Variants in ADARB2 observed in about 807,000 individuals in gnomAD.
The protein encoded by ADARB2 is inactive double-stranded RNA-specific editase B2.
In ADARB2, 25 loss-of-function variants were observed where a neutral mutation model predicts 62.2. The observed-to-expected ratio is 0.40, with a 90% CI of 0.29 to 0.56. ADARB2 has a LOEUF of 0.56. Among genes scored for constraint, ADARB2 ranks in the 20% least tolerant of loss-of-function variants. The probability of loss-of-function intolerance (pLI) is 0.43; values close to 1 mark genes in which losing one functional copy is unlikely to be tolerated. For synonymous variants in ADARB2, 572 were observed against 500.8 expected, an observed-to-expected ratio of 1.14 and a Z score of -1.90; for missense variants, 1,071 against 1,077.4, an observed-to-expected ratio of 0.99 and a Z score of 0.08.
chr10:1,531,991 G>A (rs1020580615), intron 1 of ADARB2, among the ~76,000 whole-genome samples: 21 of 152,110 alleles, frequency 1.4e-4, no homozygotes, highest in African/African-American at 4.8e-4. Flanking sequence ...AACACCATCC[G>A]GTATTGTAGG....
At chr10:1,379,238 C>G in intron 1 of ADARB2, 78 bp from the exon 2 acceptor site, 3 of 1,233,954 alleles carry the variant, frequency 2.4e-6, no homozygotes, top group Non-Finnish European at 3.6e-6. Flanking sequence ...GTTCTTATTA[C>G]TGAATGTTGG....
intron 1 of ADARB2, among the ~76,000 whole-genome samples, chr10:1,546,257 C>T (rs751490300): frequency 2.6e-5 from 4 of 152,196 alleles, no homozygotes; most frequent in Admixed American, 1.3e-4. Context: ...CTCTCCTCTG[C>T]GTCAGCAGTA....
chr10:1,211,372 T>C (rs1368210586), intron 7 of ADARB2, among the ~76,000 whole-genome samples: 1 of 152,176 alleles, frequency 6.6e-6, no homozygotes, highest in African/African-American at 2.4e-5. Context: ...CATCTATCTG[T>C]CATCTCTATC....
intron 1 of ADARB2, among the ~76,000 whole-genome samples, chr10:1,587,134 T>C (rs1833190893): frequency 2.0e-5 from 3 of 152,192 alleles, no homozygotes; most frequent in Admixed American, 2.0e-4. Context: ...TTACCAAAGG[T>C]GCTTATCTCC....
At chr10:1,233,929 T>C (rs1167597172) in intron 5 of ADARB2, 84 bp from the exon 6 acceptor site, 6 of 1,410,062 alleles carry the variant, frequency 4.3e-6, no homozygotes, top group East Asian at 5.1e-5. Context: ...AGTCCTGTTT[T>C]GTAGAGTTGT....
intron 1 of ADARB2, among the ~76,000 whole-genome samples, chr10:1,727,369 C>T (rs2119041678): frequency 6.6e-6 from 1 of 152,280 alleles, no homozygotes; most frequent in Admixed American, 6.5e-5. Flanking sequence ...AAGCCACCTC[C>T]AAACCCTACT....
At position 1,368,855 on chromosome 10, in the gene ADARB2, GC is replaced by G. The variant is rs985016431; in HGVS notation, c.188-4939del. ...GGGGCCGGGCTGGGTGAGGGTGGGA[GC>G]CGAGCTCGCCCTGTGGCAGTCGTGG... On this transcript the variant is annotated intron_variant, in intron 2 of 9. Transcript: ENST00000381312. Among the ~76,000 whole-genome samples the G allele has an allele frequency of 3.1e-4, 30 of 98,330 alleles. 2 individuals are homozygous for G. The highest frequency in any genetic ancestry group is 8.3e-4 in the African/African-American group (27 of 32,352). The allele number at this position is 98,330 out of a possible 152,430, so 64.5% of individuals were successfully genotyped here. A position where few individuals can be genotyped will look rare whatever the true frequency, so the allele number is the denominator to read the frequency against.
chr10:1,430,049 C>T (rs1830764279), intron 1 of ADARB2, among the ~76,000 whole-genome samples: 1 of 152,182 alleles, frequency 6.6e-6, no homozygotes, highest in African/African-American at 2.4e-5. Flanking sequence ...TCCTTTTCCT[C>T]ATGTGGCGCT....
chr10:1,317,754 G>T (rs900882489), intron 3 of ADARB2, among the ~76,000 whole-genome samples: 10 of 146,920 alleles, frequency 6.8e-5, no homozygotes, highest in African/African-American at 2.5e-4. Context: ...GGTAGGCCTG[G>T]GGGGGGGTGG....
intron 1 of ADARB2, among the ~76,000 whole-genome samples, chr10:1,465,869 G>T (rs183973897): frequency 6.6e-6 from 1 of 152,332 alleles, no homozygotes; most frequent in East Asian, 1.9e-4. Flanking sequence ...CATCAGCCGC[G>T]CTGACTCGTC....
At chr10:1,408,982 C>T (rs934843860) in intron 1 of ADARB2, among the ~76,000 whole-genome samples, 1 of 152,170 alleles carries the variant, frequency 6.6e-6, no homozygotes, top group Non-Finnish European at 1.5e-5. Context: ...GTGGTGGTGG[C>T]GTCAGTGATT....
chr10:1,534,567 T>G (rs1231408098), intron 1 of ADARB2: 2 of 152,328 alleles, frequency 1.3e-5, no homozygotes, highest in African/African-American at 4.8e-5. Context: ...CCCTTGATGC[T>G]TCTGAAACTG....
intron 1 of ADARB2, among the ~76,000 whole-genome samples, chr10:1,478,707 A>C (rs971808353): frequency 6.7e-6 from 1 of 149,770 alleles, no homozygotes; most frequent in Admixed American, 6.7e-5. Flanking sequence ...CGGACGGGAG[A>C]GCGCCAAAAC....
chr10:1,273,382 T>G (rs922634950), intron 3 of ADARB2, among the ~76,000 whole-genome samples: 3 of 152,144 alleles, frequency 2.0e-5, no homozygotes, highest in African/African-American at 7.2e-5. Context: ...CACCTCAGCC[T>G]CCCAAAGCGC....
chr10:1,362,918 G>T, intron 3 of ADARB2, 110 bp downstream of exon 3: 1 of 1,033,416 alleles, frequency 9.7e-7, no homozygotes, highest in Non-Finnish European at 1.3e-6. Context: ...CGCTCCACGC[G>T]GCCTCTCCTT....
chr10:1,405,019 G>A (rs1175237789), intron 1 of ADARB2, among the ~76,000 whole-genome samples: 1 of 152,198 alleles, frequency 6.6e-6, no homozygotes, highest in African/African-American at 2.4e-5. Context: ...CCCGGCGCCT[G>A]CGTGGAGGAT....
intron 1 of ADARB2, among the ~76,000 whole-genome samples, chr10:1,619,293 A>G (rs2892397): frequency 0.31 from 27,338 of 87,284 alleles, 2,614 homozygotes; most frequent in East Asian, 0.48. Flanking sequence ...TGAAAGTAAA[A>G]AAAAAAAAAA....
intron 1 of ADARB2, among the ~76,000 whole-genome samples, chr10:1,667,651 A>C (rs554458100): frequency 1.3e-5 from 2 of 152,200 alleles, no homozygotes; most frequent in Non-Finnish European, 2.9e-5. Context: ...GCCCACACTT[A>C]GCAGGCTTCA....
At position 1,392,960 on chromosome 10, in the gene ADARB2, A is replaced by C. The variant is rs115597636; in HGVS notation, c.101-13800T>G. Among the ~76,000 whole-genome samples, 364 of 152,284 alleles carry C rather than the reference A, an allele frequency of 2.4e-3. 2 individuals are homozygous for C. Among genetic ancestry groups the C allele is most frequent in the African/African-American group, 8.5e-3 (352 of 41,564 alleles). On this transcript the variant is annotated intron_variant, in intron 1 of 9. Transcript: ENST00000381312. ...AAGAGGTAATTGTGTTCAAAAAAAA[A>C]CATACAACTCCTAATTTCCTTCTCA...
Sources: allele counts gnomAD v4.1 joint callset (sites outside exome capture counted in the v4.1 genomes callset), GRCh38; gene constraint gnomAD v4.1.1; transcripts MANE v1.5; gene names NCBI Gene and HGNC (gene_info 2026-07-23, HGNC 2026-07-21).